The following AFAP1L1 variants were observed in gnomAD, a reference collection of about 807,000 sequenced individuals.
The protein encoded by AFAP1L1 is actin filament associated protein 1 like 1, also known as actin filament-associated protein 1-like 1.
Under a neutral mutation model 99.8 loss-of-function variants are expected in AFAP1L1, and 77 were observed. That is an observed-to-expected ratio of 0.77 (90% CI 0.64 to 0.93). The LOEUF is 0.93. Among genes scored for constraint, AFAP1L1 ranks in the 40% least tolerant of loss-of-function variants. AFAP1L1 has a pLI of 0.00. For synonymous variants in AFAP1L1, 373 were observed against 395.3 expected (o/e 0.94, Z 0.67); for missense variants, 893 against 996.8 (o/e 0.90, Z 1.40).
chr5:149,314,249 G>A (rs544518215), intron 9 of AFAP1L1, among the ~76,000 whole-genome samples: 86 of 152,308 alleles, frequency 5.6e-4, no homozygotes, highest in African/African-American at 1.8e-3. Context: ...TGGTGAGGCC[G>A]GAGGGAAAGC....
chr5:149,321,226 T>A (rs541535882), intron 14 of AFAP1L1, among the ~76,000 whole-genome samples: 3 of 152,176 alleles, frequency 2.0e-5, no homozygotes, highest in Non-Finnish European at 4.4e-5. Flanking sequence ...GTTCATATGG[T>A]CTTTCTTCAG....
chr5:149,340,548 A>G lies in AFAP1L1; in HGVS notation c.*518A>G, dbSNP rs2127607368. 6.4e-6 allele frequency: 1 copy of G among 155,058 alleles called. No homozygotes were observed. The highest frequency in any genetic ancestry group is 1.9e-4 in the East Asian group (1 of 5,298). 9.6% of individuals were successfully genotyped at this position (155,058 alleles called of 1,614,324 possible). A position where few individuals can be genotyped will look rare whatever the true frequency, so the allele number is the denominator to read the frequency against. ...GTCAAGGTAAATAGGTTGAACAATC[A>G]ATAACATTATCCCTGCCTGCATACA... On this transcript the variant is annotated 3_prime_UTR_variant, in exon 19 of 19. Coordinates refer to ENST00000296721, the MANE Select transcript of AFAP1L1 (RefSeq NM_152406.4).
chr5:149,317,034 G>A (rs950768842), intron 11 of AFAP1L1, among the ~76,000 whole-genome samples: 3 of 151,948 alleles, frequency 2.0e-5, no homozygotes, highest in Non-Finnish European at 2.9e-5. Flanking sequence ...GCATGGTGGT[G>A]TATGCCTGTA....
chr5:149,329,155 T>G (rs1757179902), intron 15 of AFAP1L1, among the ~76,000 whole-genome samples: 1 of 152,188 alleles, frequency 6.6e-6, no homozygotes, highest in African/African-American at 2.4e-5. Context: ...CACAAATTTG[T>G]TTTTTAATAA....
intron 1 of AFAP1L1, among the ~76,000 whole-genome samples, chr5:149,290,600 A>G (rs1483895872): frequency 2.0e-5 from 3 of 152,262 alleles, no homozygotes; most frequent in African/African-American, 7.2e-5. Flanking sequence ...CACTAAATCA[A>G]TTGGCAGCCG....
At chr5:149,291,617 A>G (rs978170962) in intron 1 of AFAP1L1, among the ~76,000 whole-genome samples, 1 of 147,848 alleles carries the variant, frequency 6.8e-6, no homozygotes, top group Non-Finnish European at 1.5e-5. Context: ...CCTTTCCTTC[A>G]CCCTACCCAA....
At chr5:149,319,959 G>A (rs893913576) in intron 13 of AFAP1L1, among the ~76,000 whole-genome samples, 3 of 152,268 alleles carry the variant, frequency 2.0e-5, no homozygotes, top group African/African-American at 7.2e-5. Flanking sequence ...CAAAAGTAGA[G>A]AAGCCTTGGA....
intron 1 of AFAP1L1, among the ~76,000 whole-genome samples, chr5:149,278,843 C>T (rs757883596): frequency 3.3e-5 from 5 of 152,180 alleles, no homozygotes; most frequent in African/African-American, 4.8e-5. Context: ...GCTTGCCCCT[C>T]TCTCCCCTGA....
rs79457823 is a variant in AFAP1L1, at chr5:149,313,286, G to C, written c.1020+1082G>C. Among the ~76,000 whole-genome samples, 1,384 of 152,316 alleles carry C rather than the reference G, an allele frequency of 9.1e-3. 25 individuals are homozygous for C. The highest frequency in any genetic ancestry group is 0.032 in the African/African-American group (1,319 of 41,568). On this transcript the variant is annotated intron_variant, in intron 9 of 18. Coordinates refer to ENST00000296721, the MANE Select transcript of AFAP1L1 (RefSeq NM_152406.4). ...CAGACCCAAGTCCTCCCCTTAAGGAGATTACAGTCAAGGGGAAGGGTTAAG... is the reference window on the plus strand; with the variant it reads ...CAGACCCAAGTCCTCCCCTTAAGGACATTACAGTCAAGGGGAAGGGTTAAG...
At chr5:149,286,750 C>T (rs564378159) in intron 1 of AFAP1L1, among the ~76,000 whole-genome samples, 6 of 152,300 alleles carry the variant, frequency 3.9e-5, no homozygotes, top group African/African-American at 9.6e-5. Flanking sequence ...AGTCTCACAA[C>T]AGGCCTGTGG....
At position 149,340,016 on chromosome 5, in the gene AFAP1L1, A is replaced by G. The variant is rs1561690107; in HGVS notation, c.2293A>G (p.Met765Val). ...RVLQKAKEWEMKKT is the reference protein window; with the variant it reads ...RVLQKAKEWEVKKT ...TCTTTCTGTGCTTCAGGAATGGGAAATGAAGAAGACCTAGGAAGAGGATGA... is the reference window on the plus strand; with the variant it reads ...TCTTTCTGTGCTTCAGGAATGGGAAGTGAAGAAGACCTAGGAAGAGGATGA... Residue 765 changes from methionine to valine, a missense_variant, in exon 19 of 19, where the codon ATG (methionine) becomes GTG (valine). Coordinates refer to ENST00000296721, the MANE Select transcript of AFAP1L1 (RefSeq NM_152406.4). 1.2e-6 allele frequency: 2 copies of G among 1,614,128 alleles called. No homozygotes were observed. Among genetic ancestry groups the G allele is most frequent in the East Asian group, 2.2e-5 (1 of 44,884 alleles).
At chr5:149,319,872 T>C (rs1238963802) in intron 13 of AFAP1L1, 145 bp downstream of exon 13, 1 of 1,241,362 alleles carries the variant, frequency 8.1e-7, no homozygotes, top group African/African-American at 1.5e-5. Flanking sequence ...AATGAGTGTC[T>C]TCCTCTTCCA....
intron 3 of AFAP1L1, 57 bp from the exon 4 acceptor site, chr5:149,301,076 C>T: frequency 1.3e-6 from 2 of 1,535,104 alleles, no homozygotes; most frequent in Non-Finnish European, 1.8e-6. Flanking sequence ...GCCCTCTTCC[C>T]CTGGTCTGTG....
chr5:149,302,373 C>T (rs779586258), intron 4 of AFAP1L1, 45 bp from the exon 5 acceptor site: 50 of 1,462,326 alleles, frequency 3.4e-5, no homozygotes, highest in Admixed American at 1.2e-4. Flanking sequence ...CTCTCTCTCC[C>T]TACCCTGCTC....
chr5:149,303,700 A>G (rs2127594972), intron 5 of AFAP1L1, among the ~76,000 whole-genome samples: 1 of 152,308 alleles, frequency 6.6e-6, no homozygotes. Context: ...ACACACACAC[A>G]TGCATCCGTT....
Position 149,343,483 on chromosome 5 carries a change from T to C in AFAP1L1, c.*3453T>C, listed in dbSNP as rs1202206754. ...CCTATCTTCACTGACACTATCCAAC[T>C]TAATTAAGTCATTCAACAAATACTT... On this transcript the variant is annotated 3_prime_UTR_variant, in exon 19 of 19. Transcript: ENST00000296721. Among the ~76,000 whole-genome samples, 3 of 152,086 alleles carry C rather than the reference T, an allele frequency of 2.0e-5. No individual in the cohort carries two copies. Among genetic ancestry groups the C allele is most frequent in the Admixed American group, 6.6e-5 (1 of 15,254 alleles).
chr5:149,342,381 G>C lies in AFAP1L1; in HGVS notation c.*2351G>C, dbSNP rs1757581491. On this transcript the variant is annotated 3_prime_UTR_variant, in exon 19 of 19. Coordinates refer to ENST00000296721, the MANE Select transcript of AFAP1L1 (RefSeq NM_152406.4). The stretch of plus-strand genomic sequence containing the variant: ...TAGTTCTTATATTTACATGCTGGTG[G>C]AGCCAGCATGTGAATATAAGAAGTC... Among the ~76,000 whole-genome samples, 1 of 152,112 alleles carries C rather than the reference G, an allele frequency of 6.6e-6. No individual in the cohort carries two copies. Among genetic ancestry groups the C allele is most frequent in the Non-Finnish European group, 1.5e-5 (1 of 68,006 alleles).
intron 1 of AFAP1L1, among the ~76,000 whole-genome samples, chr5:149,295,251 G>A (rs934278318): frequency 2.0e-5 from 3 of 152,110 alleles, no homozygotes; most frequent in African/African-American, 7.2e-5. Context: ...TCAAATCTCA[G>A]TTAAAGGAAG....
intron 9 of AFAP1L1, 121 bp from the exon 10 acceptor site, chr5:149,315,700 A>C: frequency 1.2e-6 from 1 of 807,060 alleles, no homozygotes; most frequent in Admixed American, 2.0e-5. Flanking sequence ...AGTTGCTGAC[A>C]AACATTTGTT....
Sources: allele counts gnomAD v4.1 joint callset (sites outside exome capture counted in the v4.1 genomes callset), GRCh38; gene constraint gnomAD v4.1.1; transcripts MANE v1.5; gene names NCBI Gene and HGNC (gene_info 2026-07-23, HGNC 2026-07-21).